Variants in TET1 observed in about 807,000 individuals in gnomAD.
The protein encoded by TET1 is methylcytosine dioxygenase TET1.
In TET1, 13 loss-of-function variants were observed where a neutral mutation model predicts 148.7. That is an observed-to-expected ratio of 0.09 (90% CI 0.06 to 0.14). TET1 has a LOEUF of 0.14. TET1 is among the 10% of genes least tolerant of loss of function. TET1 has a pLI of 1.00. For synonymous variants in TET1, 907 were observed against 937.2 expected (o/e 0.97, Z 0.59); for missense variants, 2,182 against 2,553.8 (o/e 0.85, Z 3.14).
At chr10:68,595,037 T>C (rs1203867888) in intron 2 of TET1, among the ~76,000 whole-genome samples, 3 of 149,980 alleles carry the variant, frequency 2.0e-5, no homozygotes, top group Non-Finnish European at 3.0e-5. Context: ...TGGTAGCACA[T>C]GCCTATTTGG....
intron 3 of TET1, among the ~76,000 whole-genome samples, chr10:68,625,498 G>A (rs1186141513): frequency 6.6e-5 from 10 of 152,168 alleles, no homozygotes; most frequent in Admixed American, 1.3e-4. Flanking sequence ...ACTTGGCAAC[G>A]TTCCACAGAG....
At chr10:68,577,065 C>T (rs1175622171) in intron 2 of TET1, among the ~76,000 whole-genome samples, 1 of 152,146 alleles carries the variant, frequency 6.6e-6, no homozygotes, top group Non-Finnish European at 1.5e-5. Flanking sequence ...CCCGCCACCG[C>T]GCCCGGCTAA....
rs1554932889 is a variant in TET1, at chr10:68,596,027, C to CATATATATATATAT, written c.1915-4950_1915-4937dup. Among the ~76,000 whole-genome samples, 245 of 61,724 alleles carry CATATATATATATAT rather than the reference C, an allele frequency of 4.0e-3. 4 individuals carry two copies. The highest frequency in any genetic ancestry group is 0.016 in the African/African-American group (225 of 14,170). 40.5% of individuals were successfully genotyped at this position (61,724 alleles called of 152,430 possible). ...ACACACACACACACACACACACACA[C>CATATATATATATAT]ATATATATATATATATACACATTTT... On this transcript the variant is annotated intron_variant, in intron 2 of 11. Coordinates refer to ENST00000373644, the MANE Select transcript of TET1 (RefSeq NM_030625.3).
At chr10:68,662,422 G>A (rs1180649233) in intron 6 of TET1, among the ~76,000 whole-genome samples, 1 of 152,054 alleles carries the variant, frequency 6.6e-6, no homozygotes, top group Non-Finnish European at 1.5e-5. Context: ...ATTGTAACTA[G>A]CAAAGTTGGA....
intron 2 of TET1, among the ~76,000 whole-genome samples, chr10:68,582,538 T>C (rs1267194040): frequency 6.6e-6 from 1 of 152,236 alleles, no homozygotes; most frequent in African/African-American, 2.4e-5. Flanking sequence ...AGTGTTAATA[T>C]GATACAAATT....
intron 6 of TET1, among the ~76,000 whole-genome samples, chr10:68,652,839 C>T (rs2054958294): frequency 7.1e-6 from 1 of 140,418 alleles, no homozygotes; most frequent in African/African-American, 2.6e-5. Flanking sequence ...CCACCAAACC[C>T]GGCTAATTTT....
chr10:68,612,113 A>G (rs2054224946), intron 3 of TET1, among the ~76,000 whole-genome samples: 1 of 148,178 alleles, frequency 6.7e-6, no homozygotes, highest in Admixed American at 6.7e-5. Context: ...TTTATTTGAC[A>G]GAGTCTCACT....
intron 3 of TET1, among the ~76,000 whole-genome samples, chr10:68,627,066 G>T (rs1158524062): frequency 6.6e-6 from 1 of 152,050 alleles, no homozygotes; most frequent in Non-Finnish European, 1.5e-5. Flanking sequence ...GAGGTAAGAA[G>T]TTCGAGACCA....
chr10:68,640,052 C>A (rs1360552417), intron 3 of TET1, among the ~76,000 whole-genome samples: 5 of 151,222 alleles, frequency 3.3e-5, no homozygotes, highest in African/African-American at 1.2e-4. Flanking sequence ...TTTAGCCATC[C>A]GAGTAGCTGG....
chr10:68,663,653 T>C (rs2055153701), intron 6 of TET1, among the ~76,000 whole-genome samples: 1 of 152,154 alleles, frequency 6.6e-6, no homozygotes, highest in Non-Finnish European at 1.5e-5. Flanking sequence ...AAGAAGTTAG[T>C]GAATATAGTA....
intron 2 of TET1, among the ~76,000 whole-genome samples, chr10:68,597,655 T>C (rs1480047000): frequency 6.6e-6 from 1 of 152,216 alleles, no homozygotes; most frequent in Non-Finnish European, 1.5e-5. Flanking sequence ...TGTACACCTA[T>C]GTTCATAGCA....
At chr10:68,624,649 T>TC (rs2054436795) in intron 3 of TET1, among the ~76,000 whole-genome samples, 3 of 55,904 alleles carry the variant, frequency 5.4e-5, no homozygotes, top group Admixed American at 4.2e-4. Context: ...TCTTTCTTTC[T>TC]TTCTTTCTTT....
At chr10:68,665,990 ATGGGC>A (rs1230397149) in intron 6 of TET1, among the ~76,000 whole-genome samples, 3 of 152,146 alleles carry the variant, frequency 2.0e-5, no homozygotes, top group Non-Finnish European at 4.4e-5. Context: ...GGTCACATGG[ATGGGC>A]GTTTTCATCA....
chr10:68,660,216 A>G (rs1669831157), intron 6 of TET1, among the ~76,000 whole-genome samples: 1 of 152,136 alleles, frequency 6.6e-6, no homozygotes, highest in Non-Finnish European at 1.5e-5. Context: ...TGTTACAGGG[A>G]CTTATTTTTT....
At chr10:68,566,225 A>G (rs2053606272) in intron 1 of TET1, among the ~76,000 whole-genome samples, 1 of 152,234 alleles carries the variant, frequency 6.6e-6, no homozygotes, top group Non-Finnish European at 1.5e-5. Context: ...TGACTAGATT[A>G]TATACTCCTA....
chr10:68,646,960 G>T lies in TET1; in HGVS notation c.4231G>T (p.Val1411Leu). 1 of 1,614,040 alleles carries T rather than the reference G, an allele frequency of 6.2e-7. No homozygotes were observed. The highest frequency in any genetic ancestry group is 8.5e-7 in the Non-Finnish European group (1 of 1,180,002). The change falls in exon 4 of 12, where the codon GTG (valine) becomes TTG (leucine). Residue 1411 changes from valine (V) to leucine (L), a missense_variant. Coordinates refer to ENST00000373644, the MANE Select transcript of TET1 (RefSeq NM_030625.3). ...CTTTACTAACCCTACAAAAAACCTA[G>T]TGTCTATAACTAAAGATTCTGAACT... ...NFFTNPTKNLVSITKDSELPT... is the reference protein window; with the variant it reads ...NFFTNPTKNLLSITKDSELPT...
chr10:68,622,197 C>CCTTT lies in TET1; in HGVS notation c.1968+21166_1968+21167insTCTT, dbSNP rs1491582432. Among the ~76,000 whole-genome samples the CCTTT allele has an allele frequency of 3.2e-3, 414 of 127,764 alleles. 2 individuals carry two copies. Among genetic ancestry groups the CCTTT allele is most frequent in the South Asian group, 0.012 (45 of 3,844 alleles). 83.8% of individuals were successfully genotyped at this position (127,764 alleles called of 152,430 possible). ...TCCTTCCTTCCTTCCTTCCTTCCTT[C>CCTTT]CTTCCTTCCTTCCTTCCTTCCTTCC... On this transcript the variant is annotated intron_variant, in intron 3 of 11. Transcript: ENST00000373644.
At chr10:68,681,980 A>C (rs1312342342) in intron 9 of TET1, among the ~76,000 whole-genome samples, 6 of 144,442 alleles carry the variant, frequency 4.2e-5, no homozygotes, top group East Asian at 2.0e-4. Context: ...AAAAAAAAAC[A>C]AAAAAAACCA....
intron 3 of TET1, among the ~76,000 whole-genome samples, chr10:68,609,376 G>C (rs2054174180): frequency 6.6e-6 from 1 of 151,990 alleles, no homozygotes; most frequent in South Asian, 2.1e-4. Flanking sequence ...GGTCAGGCTG[G>C]TCTCGAACTC....
Sources: gnomAD v4.1 joint callset for allele counts (sites outside exome capture counted in the v4.1 genomes callset) on GRCh38, gnomAD v4.1.1 for gene constraint, MANE v1.5 for transcripts, NCBI Gene and HGNC (gene_info 2026-07-23, HGNC 2026-07-21) for gene names.